Variants in KLHL1 observed in about 807,000 individuals in gnomAD.
The protein encoded by KLHL1 is kelch-like protein 1.
KLHL1 carries 47 observed loss-of-function variants against 77.7 expected under a neutral mutation model. That is an observed-to-expected ratio of 0.60 (90% CI 0.48 to 0.77). The LOEUF (loss-of-function observed/expected upper bound fraction) is 0.77, where lower values mean the gene tolerates loss of function less well. Ranked by LOEUF, KLHL1 falls within the 30% of genes least tolerant of loss-of-function variation. The pLI, the probability that KLHL1 is intolerant of heterozygous loss-of-function variation, is 0.00. For synonymous variants in KLHL1, 360 were observed against 325.2 expected, an observed-to-expected ratio of 1.11 and a Z score of -1.15; for missense variants, 925 against 910.8, an observed-to-expected ratio of 1.02 and a Z score of -0.20.
At chr13:69,855,288 TTAGATAGA>T (rs200890874) in intron 5 of KLHL1, among the ~76,000 whole-genome samples, 25,954 of 141,670 alleles carry the variant, frequency 0.18, 2,606 homozygotes, top group Admixed American at 0.22. Context: ...CGTACTAATT[TTAGATAGA>T]TAGATAGATA....
intron 7 of KLHL1, among the ~76,000 whole-genome samples, chr13:69,780,452 T>C (rs893822612): frequency 6.6e-5 from 10 of 151,826 alleles, no homozygotes; most frequent in Non-Finnish European, 1.5e-5. Flanking sequence ...ACACATATGA[T>C]ATATTTAGAG....
chr13:70,093,180 C>T (rs1453711304), intron 1 of KLHL1, among the ~76,000 whole-genome samples: 4 of 151,810 alleles, frequency 2.6e-5, no homozygotes, highest in Non-Finnish European at 5.9e-5. Flanking sequence ...GGTGAAAATA[C>T]GATTTGAGGA....
chr13:69,745,848 T>A (rs1350255211), intron 7 of KLHL1, among the ~76,000 whole-genome samples: 1 of 151,796 alleles, frequency 6.6e-6, no homozygotes, highest in Non-Finnish European at 1.5e-5. Flanking sequence ...TGCAATTTTC[T>A]GAATTTTCCC....
intron 1 of KLHL1, among the ~76,000 whole-genome samples, chr13:70,018,289 A>G (rs1447605501): frequency 4.6e-5 from 7 of 152,222 alleles, no homozygotes; most frequent in Admixed American, 4.6e-4. Context: ...GATAAATGGA[A>G]GATAAAATAA....
chr13:69,899,970 T>G lies in KLHL1; in HGVS notation c.1015-17475A>C, dbSNP rs1179455748. ...GAAGTTATGAATGGACTTAAAAATATGAGCTTTCCCTCACAAAGGCTGAAC... is the reference window on the plus strand; with the variant it reads ...GAAGTTATGAATGGACTTAAAAATAGGAGCTTTCCCTCACAAAGGCTGAAC... On this transcript the variant is annotated intron_variant, in intron 4 of 10. Transcript: ENST00000377844. Among the ~76,000 whole-genome samples, 18 of 152,220 alleles carry G rather than the reference T, an allele frequency of 1.2e-4. 1 individual carries two copies. In the East Asian group the frequency reaches 3.1e-3, roughly 26 times the overall value.
intron 1 of KLHL1, among the ~76,000 whole-genome samples, chr13:69,978,716 A>G (rs1884619902): frequency 6.6e-6 from 1 of 152,000 alleles, no homozygotes; most frequent in Non-Finnish European, 1.5e-5. Flanking sequence ...TGAACTCCCG[A>G]ACTCAGGTGA....
At chr13:70,094,792 T>G (rs1887749202) in intron 1 of KLHL1, among the ~76,000 whole-genome samples, 2 of 152,114 alleles carry the variant, frequency 1.3e-5, no homozygotes, top group Admixed American at 6.5e-5. Flanking sequence ...TCCATTGCAA[T>G]TCCATCACTA....
At chr13:69,770,651 A>G (rs1340003341) in intron 7 of KLHL1, among the ~76,000 whole-genome samples, 1 of 152,130 alleles carries the variant, frequency 6.6e-6, no homozygotes, top group Admixed American at 6.5e-5. Flanking sequence ...TAATCTTTCT[A>G]TTGTGGAAAT....
chr13:69,751,562 G>A (rs773079229), intron 7 of KLHL1, among the ~76,000 whole-genome samples: 10 of 152,200 alleles, frequency 6.6e-5, no homozygotes, highest in Admixed American at 3.3e-4. Flanking sequence ...GTATTTCTGA[G>A]GAACTGAAAG....
intron 6 of KLHL1, among the ~76,000 whole-genome samples, chr13:69,802,335 A>C (rs1395216090): frequency 6.6e-6 from 1 of 152,166 alleles, no homozygotes; most frequent in African/African-American, 2.4e-5. Context: ...ATACGTATCC[A>C]TGTGTCTTTA....
chr13:69,821,377 T>C (rs1449181147), intron 6 of KLHL1, among the ~76,000 whole-genome samples: 1 of 152,112 alleles, frequency 6.6e-6, no homozygotes, highest in Non-Finnish European at 1.5e-5. Flanking sequence ...TGCAGTGGCC[T>C]GATCTTGGCT....
chr13:69,836,391 T>C (rs1434110451), intron 6 of KLHL1, among the ~76,000 whole-genome samples: 1 of 152,088 alleles, frequency 6.6e-6, no homozygotes, highest in African/African-American at 2.4e-5. Context: ...GAAGCTAAGA[T>C]GTTAACTTAG....
At chr13:69,850,043 T>C (rs1185835198) in intron 5 of KLHL1, among the ~76,000 whole-genome samples, 1 of 151,510 alleles carries the variant, frequency 6.6e-6, no homozygotes, top group African/African-American at 2.4e-5. Flanking sequence ...GTTGATAGCA[T>C]GTTTATTTTC....
At chr13:69,883,196 G>A (rs1007350661) in intron 4 of KLHL1, among the ~76,000 whole-genome samples, 2 of 152,062 alleles carry the variant, frequency 1.3e-5, no homozygotes, top group Non-Finnish European at 1.5e-5. Flanking sequence ...ATGTGCTCAT[G>A]GTTTTATTCT....
At position 69,701,779 on chromosome 13, in the gene KLHL1, A is replaced by G; in HGVS notation, c.2188-18T>C. ...GAAGCCATCTGTTAAAAAAGATGAAACACAACTTAAGACAAGTTTTCATAG... is the reference window on the plus strand; with the variant it reads ...GAAGCCATCTGTTAAAAAAGATGAAGCACAACTTAAGACAAGTTTTCATAG... On this transcript the variant is annotated intron_variant, in intron 10 of 10. Coordinates refer to ENST00000377844, the MANE Select transcript of KLHL1 (RefSeq NM_020866.3). The G allele has an allele frequency of 1.9e-6, 3 of 1,577,294 alleles. No homozygotes were observed. The highest frequency in any genetic ancestry group is 2.6e-6 in the Non-Finnish European group (3 of 1,153,716).
At chr13:69,759,069 G>T (rs1273264311) in intron 7 of KLHL1, among the ~76,000 whole-genome samples, 1 of 152,070 alleles carries the variant, frequency 6.6e-6, no homozygotes, top group Non-Finnish European at 1.5e-5. Context: ...ACCAGGTGTA[G>T]AACTCAGGAA....
chr13:69,747,276 T>G (rs1874255362), intron 7 of KLHL1, among the ~76,000 whole-genome samples: 1 of 152,078 alleles, frequency 6.6e-6, no homozygotes, highest in Non-Finnish European at 1.5e-5. Flanking sequence ...ATTTTTAATG[T>G]AAACATTAGA....
chr13:69,943,567 T>C (rs941408895), intron 3 of KLHL1, among the ~76,000 whole-genome samples: 1 of 152,092 alleles, frequency 6.6e-6, no homozygotes, highest in Non-Finnish European at 1.5e-5. Flanking sequence ...TTTTAAGGTT[T>C]GTGAAATACC....
intron 1 of KLHL1, among the ~76,000 whole-genome samples, chr13:70,093,431 A>T (rs1038643520): frequency 6.6e-6 from 1 of 152,214 alleles, no homozygotes; most frequent in Non-Finnish European, 1.5e-5. Flanking sequence ...AGTAGTAATA[A>T]AATAGTAATA....
Sources: gnomAD v4.1 joint callset for allele counts (sites outside exome capture counted in the v4.1 genomes callset) on GRCh38, gnomAD v4.1.1 for gene constraint, MANE v1.5 for transcripts, NCBI Gene and HGNC (gene_info 2026-07-23, HGNC 2026-07-21) for gene names.